PHF20: variants seen among roughly 807,000 people sequenced by gnomAD.
The protein encoded by PHF20 is glioma-expressed antigen 2.
Under a neutral mutation model 113.5 loss-of-function variants are expected in PHF20, and 23 were observed. The ratio of observed to expected loss-of-function variants is 0.20; its 90% CI spans 0.15 to 0.29. The LOEUF is 0.29. Ranked by LOEUF, PHF20 falls within the 10% of genes least tolerant of loss-of-function variation. The probability of loss-of-function intolerance (pLI) is 1.00; values close to 1 mark genes in which losing one functional copy is unlikely to be tolerated. For synonymous variants in PHF20, 434 were observed against 457.3 expected, an observed-to-expected ratio of 0.95 and a Z score of 0.65; for missense variants, 943 against 1,219.6, an observed-to-expected ratio of 0.77 and a Z score of 3.38.
At chr20:35,777,800 A>G (rs1302388805) in intron 1 of PHF20, among the ~76,000 whole-genome samples, 5 of 152,198 alleles carry the variant, frequency 3.3e-5, no homozygotes, top group Admixed American at 2.6e-4. Context: ...ACGAGACCCC[A>G]TTGCTTCCAA....
chr20:35,854,170 T>C (rs969817451), intron 4 of PHF20, among the ~76,000 whole-genome samples: 4 of 152,240 alleles, frequency 2.6e-5, no homozygotes, highest in African/African-American at 9.6e-5. Context: ...CCTATGTCTT[T>C]GGTCCTAGAG....
rs2146815515 is a variant in PHF20 at position 35,772,075 on chromosome 20, G to C, written c.-37G>C. On this transcript the variant is annotated 5_prime_UTR_variant, in exon 1 of 18. Transcript: ENST00000374012. ...GGAGCGGCGCAGCCGGAGTGGGGCC[G>C]TGAGGTGAGCTCGCGGCCAGGCGAA... The C allele has an allele frequency of 6.6e-6, 1 of 151,506 alleles. No homozygotes were observed. Among genetic ancestry groups the C allele is most frequent in the South Asian group, 2.1e-4 (1 of 4,830 alleles). The allele number at this position is 151,506 out of a possible 1,614,324, so 9.4% of individuals were successfully genotyped here.
Position 35,869,507 on chromosome 20 carries a change from G to A in PHF20, c.878G>A (p.Gly293Glu). The A allele has an allele frequency of 1.2e-6, 2 of 1,611,428 alleles. No homozygotes were observed. Among genetic ancestry groups the A allele is most frequent in the Non-Finnish European group, 1.7e-6 (2 of 1,178,588 alleles). ...CTGAGAAGAAGGAAAATATCAAAAGGATGTGAAGTCCCATTAAAACGTCCT... is the reference window on the plus strand; with the variant it reads ...CTGAGAAGAAGGAAAATATCAAAAGAATGTGAAGTCCCATTAAAACGTCCT... Reference protein sequence around the residue: ...LELRRRKISKGCEVPLKRPRL... With the variant: ...LELRRRKISKECEVPLKRPRL... The change falls in exon 7 of 18, where the codon GGA (glycine) becomes GAA (glutamate). Residue 293 changes from glycine to glutamate, a missense_variant. Physicochemically the swap from Gly to Glu is moderately conservative, Grantham distance 98. This residue lies in a region of PHF20 where 592 missense variants were observed against 787.2 expected (regional missense o/e 0.75). Transcript: ENST00000374012.
At chr20:35,938,285 T>C (rs1416508664) in intron 15 of PHF20, among the ~76,000 whole-genome samples, 1 of 152,170 alleles carries the variant, frequency 6.6e-6, no homozygotes, top group East Asian at 1.9e-4. Context: ...CAGTTTAATG[T>C]TGGAATGCTC....
chr20:35,871,353 G>A (rs1311011672), intron 8 of PHF20, among the ~76,000 whole-genome samples: 1 of 152,074 alleles, frequency 6.6e-6, no homozygotes, highest in African/African-American at 2.4e-5. Context: ...CTTATCTACC[G>A]TTCAGTGTTG....
intron 7 of PHF20, among the ~76,000 whole-genome samples, chr20:35,869,972 C>T (rs898211442): frequency 1.4e-4 from 21 of 151,440 alleles, no homozygotes; most frequent in African/African-American, 3.6e-4. Flanking sequence ...ACAGCCTGGC[C>T]AACATGGTGA....
intron 3 of PHF20, 24 bp from the exon 4 acceptor site, chr20:35,847,324 CTT>C (rs143955363): frequency 2.5e-3 from 2,888 of 1,148,984 alleles, no homozygotes; most frequent in African/African-American, 3.6e-3. Flanking sequence ...GTAACAGGAT[CTT>C]TTTTTTTTTT....
intron 2 of PHF20, among the ~76,000 whole-genome samples, chr20:35,814,003 C>T (rs2042023405): frequency 6.7e-6 from 1 of 149,010 alleles, no homozygotes; most frequent in South Asian, 2.1e-4. Flanking sequence ...TATGATCACA[C>T]CACTGCTTGG....
intron 9 of PHF20, among the ~76,000 whole-genome samples, chr20:35,889,691 T>C (rs2054811718): frequency 6.6e-6 from 1 of 150,818 alleles, no homozygotes; most frequent in African/African-American, 2.5e-5. Flanking sequence ...CGCATAGTTA[T>C]ACCATGCATA....
chr20:35,773,426 C>G (rs1569109845), intron 1 of PHF20, among the ~76,000 whole-genome samples: 1 of 152,144 alleles, frequency 6.6e-6, no homozygotes, highest in Non-Finnish European at 1.5e-5. Flanking sequence ...CTGGCGAGTG[C>G]GTATCTTTGT....
chr20:35,875,122 G>A (rs2054494803), intron 9 of PHF20, among the ~76,000 whole-genome samples: 1 of 151,682 alleles, frequency 6.6e-6, no homozygotes, highest in Non-Finnish European at 1.5e-5. Flanking sequence ...AATTGGCCAG[G>A]GGTGGTGGCT....
intron 14 of PHF20, among the ~76,000 whole-genome samples, 174 bp downstream of exon 14, chr20:35,928,053 G>A (rs550558301): frequency 2.0e-5 from 3 of 152,290 alleles, no homozygotes; most frequent in African/African-American, 7.2e-5. Context: ...TATCCTGAAC[G>A]TAGCAATAAG....
intron 14 of PHF20, among the ~76,000 whole-genome samples, chr20:35,930,976 T>C (rs1362617589): frequency 6.6e-6 from 1 of 151,974 alleles, no homozygotes; most frequent in Non-Finnish European, 1.5e-5. Flanking sequence ...TATTATGATA[T>C]AAATTTGGAG....
At chr20:35,822,776 T>C (rs1001983987) in intron 2 of PHF20, among the ~76,000 whole-genome samples, 1 of 139,672 alleles carries the variant, frequency 7.2e-6, no homozygotes, top group African/African-American at 2.7e-5. Context: ...AGTTTGAGGC[T>C]ACAGTGAGCC....
At chr20:35,803,871 CT>C (rs1042518752) in intron 2 of PHF20, among the ~76,000 whole-genome samples, 1 of 151,512 alleles carries the variant, frequency 6.6e-6, no homozygotes, top group Non-Finnish European at 1.5e-5. Flanking sequence ...TCGCCCACCC[CT>C]GATATAGGGT....
intron 4 of PHF20, among the ~76,000 whole-genome samples, chr20:35,847,954 A>G (rs2042652365): frequency 6.6e-6 from 1 of 152,162 alleles, no homozygotes; most frequent in Non-Finnish European, 1.5e-5. Context: ...GAACTTGACT[A>G]ATAGAGGCTC....
At chr20:35,814,261 AG>A (rs2042027909) in intron 2 of PHF20, among the ~76,000 whole-genome samples, 2 of 151,870 alleles carry the variant, frequency 1.3e-5, no homozygotes, top group Non-Finnish European at 2.9e-5. Context: ...TCTGTCTCCC[AG>A]GCTGGAGTGC....
rs773060725 is a variant in PHF20 at position 35,881,048 on chromosome 20, C to CTTT, written c.1282+9239_1282+9241dup. On this transcript the variant is annotated intron_variant, in intron 9 of 17. Transcript: ENST00000374012. The stretch of plus-strand genomic sequence containing the variant: ...GTTCCAGACCTTTATCTCTAAATAC[C>CTTT]TTTTTTTTTTTTTTTTTTTTTTCTG... Among the ~76,000 whole-genome samples, 56 of 109,744 alleles carry CTTT rather than the reference C, an allele frequency of 5.1e-4. 2 individuals are homozygous for CTTT. The highest frequency in any genetic ancestry group is 7.1e-4 in the African/African-American group (18 of 25,340). 72.0% of individuals were successfully genotyped at this position (109,744 alleles called of 152,430 possible).
At chr20:35,805,341 C>T (rs1402036276) in intron 2 of PHF20, among the ~76,000 whole-genome samples, 1 of 148,168 alleles carries the variant, frequency 6.7e-6, no homozygotes, top group Non-Finnish European at 1.5e-5. Flanking sequence ...GCACATGCCA[C>T]CACGCCTGAT....
Sources: gnomAD v4.1 joint callset for allele counts (sites outside exome capture counted in the v4.1 genomes callset) on GRCh38, gnomAD v4.1.1 for gene constraint, gnomAD v4.1.1 regional missense constraint, MANE v1.5 for transcripts, NCBI Gene and HGNC (gene_info 2026-07-23, HGNC 2026-07-21) for gene names.